Variants in MAD1L1 observed in about 807,000 individuals in gnomAD.
The protein encoded by MAD1L1 is mitotic arrest deficient 1 like 1.
MAD1L1 carries 95 observed loss-of-function variants against 96.9 expected under a neutral mutation model. The observed-to-expected ratio is 0.98, with a 90% CI of 0.83 to 1.16. MAD1L1 has a LOEUF of 1.16. Ranked by LOEUF, MAD1L1 falls within the 50% of genes most tolerant of loss-of-function variation. The pLI, the probability that MAD1L1 is intolerant of heterozygous loss-of-function variation, is 0.00. For missense variants in MAD1L1, 1,007 were observed against 954.4 expected, an observed-to-expected ratio of 1.06 and a Z score of -0.73; for synonymous variants, 473 against 396.6, an observed-to-expected ratio of 1.19 and a Z score of -2.29.
intron 16 of MAD1L1, among the ~76,000 whole-genome samples, chr7:1,949,764 G>A (rs1322673489): frequency 6.6e-6 from 1 of 152,222 alleles, no homozygotes; most frequent in African/African-American, 2.4e-5. Flanking sequence ...CGGCTGCTTG[G>A]GGAGACCTCC....
chr7:1,972,891 G>A (rs1047784354), intron 15 of MAD1L1, among the ~76,000 whole-genome samples: 20 of 152,108 alleles, frequency 1.3e-4, no homozygotes, highest in African/African-American at 3.6e-4. Flanking sequence ...TATTTGTACC[G>A]GGAGACCTCC....
At chr7:2,135,624 G>A (rs927898275) in intron 11 of MAD1L1, among the ~76,000 whole-genome samples, 2 of 152,236 alleles carry the variant, frequency 1.3e-5, no homozygotes, top group Admixed American at 6.5e-5. Flanking sequence ...TGCAGAGGAA[G>A]GCTCAGGTGG....
chr7:2,115,832 G>A (rs574479461), intron 11 of MAD1L1, among the ~76,000 whole-genome samples: 54 of 152,380 alleles, frequency 3.5e-4, no homozygotes, highest in African/African-American at 1.3e-3. Context: ...CCATCAGGAG[G>A]GGAACGGTGG....
In MAD1L1 at chr7:2,089,948, G is replaced by A. The variant is rs190148642; in HGVS notation, c.1074-20610C>T. ...CCTTTCGAGCTGCAGAAGGAGCTCC[G>A]GCCAGGGACAGGGAACACCAACCCT... On this transcript the variant is annotated intron_variant, in intron 11 of 18. Coordinates refer to ENST00000265854, the MANE Select transcript of MAD1L1 (RefSeq NM_001013836.2). Among the ~76,000 whole-genome samples, 161 of 152,314 alleles carry A rather than the reference G, an allele frequency of 1.1e-3. 1 individual carries two copies. The highest frequency in any genetic ancestry group is 9.6e-4 in the East Asian group (5 of 5,188).
At chr7:1,937,000 G>T (rs1246793677) in intron 16 of MAD1L1, 103 bp from the exon 17 acceptor site, 3 of 851,028 alleles carry the variant, frequency 3.5e-6, no homozygotes, top group Non-Finnish European at 5.5e-6. Context: ...ACACAGCACG[G>T]GTCACACACA....
At chr7:1,837,748 A>G (rs1310925206) in intron 18 of MAD1L1, among the ~76,000 whole-genome samples, 2 of 152,258 alleles carry the variant, frequency 1.3e-5, no homozygotes, top group Non-Finnish European at 2.9e-5. Flanking sequence ...TGGTGACAGG[A>G]AACACAGAAG....
chr7:2,120,422 C>T (rs549805254), intron 11 of MAD1L1, among the ~76,000 whole-genome samples: 1 of 152,270 alleles, frequency 6.6e-6, no homozygotes, highest in East Asian at 1.9e-4. Context: ...GCCGCCACAC[C>T]CTGGAGAGCC....
chr7:2,196,402 A>G (rs1791986941), intron 10 of MAD1L1, among the ~76,000 whole-genome samples: 1 of 152,196 alleles, frequency 6.6e-6, no homozygotes, highest in Non-Finnish European at 1.5e-5. Context: ...CACCAGCGTC[A>G]TTCATATCCA....
chr7:2,197,074 C>T (rs372285204), intron 10 of MAD1L1, among the ~76,000 whole-genome samples: 4 of 152,196 alleles, frequency 2.6e-5, no homozygotes, highest in African/African-American at 7.2e-5. Flanking sequence ...ACCTGCAGGA[C>T]GCGGTCCAAA....
rs553363667 is a variant in MAD1L1, at chr7:1,899,189, T to C, written c.1808-799A>G. On this transcript the variant is annotated intron_variant, in intron 17 of 18. Transcript: ENST00000265854. ...GGGGAGGAACTGCTCTGCAGAGCCA[T>C]CAGGAGGATAACAGCGATTATCATG... Among the ~76,000 whole-genome samples, 112 of 152,304 alleles carry C rather than the reference T, an allele frequency of 7.4e-4. 1 individual carries two copies. Among genetic ancestry groups the C allele is most frequent in the Middle Eastern group, 3.4e-3 (1 of 294 alleles).
At chr7:2,195,141 A>G (rs968515568) in intron 10 of MAD1L1, among the ~76,000 whole-genome samples, 1 of 152,204 alleles carries the variant, frequency 6.6e-6, no homozygotes, top group African/African-American at 2.4e-5. Context: ...AAACTTACAG[A>G]TAACTTAGCA....
chr7:2,064,452 C>T (rs1282996837), intron 12 of MAD1L1, among the ~76,000 whole-genome samples: 1 of 152,230 alleles, frequency 6.6e-6, no homozygotes, highest in African/African-American at 2.4e-5. Context: ...GGCTCTGGCC[C>T]CTGTAAGAGG....
At chr7:2,189,577 G>T (rs573888778) in intron 10 of MAD1L1, among the ~76,000 whole-genome samples, 1 of 152,078 alleles carries the variant, frequency 6.6e-6, no homozygotes, top group East Asian at 1.9e-4. Context: ...CTCCTTCTAT[G>T]AGGTCCCTAC....
intron 16 of MAD1L1, among the ~76,000 whole-genome samples, chr7:1,939,192 GCT>G (rs1428059974): frequency 1.9e-4 from 3 of 15,840 alleles, no homozygotes; most frequent in Non-Finnish European, 2.7e-4. Flanking sequence ...GACCAGAGGC[GCT>G]CACACACACA....
At chr7:1,870,107 G>C (rs1050713837) in intron 18 of MAD1L1, among the ~76,000 whole-genome samples, 6 of 152,054 alleles carry the variant, frequency 3.9e-5, no homozygotes, top group Admixed American at 6.5e-5. Context: ...CCCCAGATGC[G>C]AGCCGCTGCC....
rs184910670 is a variant in MAD1L1 at position 2,133,358 on chromosome 7, G to A, written c.1073+15794C>T. On this transcript the variant is annotated intron_variant, in intron 11 of 18. Coordinates refer to ENST00000265854, the MANE Select transcript of MAD1L1 (RefSeq NM_001013836.2). ...ACCCGCGTGTCTGCTTTGGTGAGGC[G>A]CCTGTTCAGAGCTCACCCATTTTTT... Among the ~76,000 whole-genome samples the A allele has an allele frequency of 7.3e-5, 11 of 151,320 alleles. No individual in the cohort carries two copies. In the East Asian group the frequency reaches 1.6e-3, roughly 21 times the overall value.
intron 16 of MAD1L1, among the ~76,000 whole-genome samples, chr7:1,937,495 T>C (rs1396638837): frequency 6.6e-6 from 1 of 152,144 alleles, no homozygotes; most frequent in East Asian, 1.9e-4. Context: ...AGGCCCAGCC[T>C]GCTGACCTGT....
intron 11 of MAD1L1, among the ~76,000 whole-genome samples, chr7:2,132,216 C>G (rs767560004): frequency 6.6e-6 from 1 of 152,132 alleles, no homozygotes; most frequent in Non-Finnish European, 1.5e-5. Flanking sequence ...AATGAGAGTT[C>G]TCATCTACCC....
intron 11 of MAD1L1, among the ~76,000 whole-genome samples, chr7:2,107,261 G>C (rs888919782): frequency 6.6e-6 from 1 of 152,208 alleles, no homozygotes; most frequent in Non-Finnish European, 1.5e-5. Flanking sequence ...GCATCCGGTG[G>C]CAGGAAGCCC....
Sources: gnomAD v4.1 joint callset for allele counts (sites outside exome capture counted in the v4.1 genomes callset) on GRCh38, gnomAD v4.1.1 for gene constraint, MANE v1.5 for transcripts, NCBI Gene and HGNC (gene_info 2026-07-23, HGNC 2026-07-21) for gene names.